The following PSEN1 variants were observed in gnomAD, a reference collection of about 807,000 sequenced individuals.
The protein encoded by PSEN1 is presenilin 1.
In PSEN1, 15 loss-of-function variants were observed where a neutral mutation model predicts 53.5. The ratio of observed to expected loss-of-function variants is 0.28; its 90% CI spans 0.19 to 0.43. The LOEUF is 0.43. Among genes scored for constraint, PSEN1 ranks in the 20% least tolerant of loss-of-function variants. The probability of loss-of-function intolerance (pLI) is 1.00; values close to 1 mark genes in which losing one functional copy is unlikely to be tolerated. For missense variants in PSEN1, 387 were observed against 571.2 expected (o/e 0.68, Z 3.29); for synonymous variants, 208 against 209.8 (o/e 0.99, Z 0.08).
chr14:73,204,528 TA>T (rs34528538), intron 8 of PSEN1, among the ~76,000 whole-genome samples: 22,971 of 138,178 alleles, frequency 0.17, 1,894 homozygotes, highest in South Asian at 0.26. Context: ...TTTTTACATT[TA>T]AAAAAAAAAA....
intron 1 of PSEN1, among the ~76,000 whole-genome samples, chr14:73,138,637 C>T (rs959446209): frequency 6.6e-6 from 1 of 151,958 alleles, no homozygotes; most frequent in African/African-American, 2.4e-5. Flanking sequence ...CAGGCACAAG[C>T]CACTGTGCCT....
At chr14:73,182,955 A>G (rs1898268781) in intron 5 of PSEN1, among the ~76,000 whole-genome samples, 1 of 152,226 alleles carries the variant, frequency 6.6e-6, no homozygotes, top group African/African-American at 2.4e-5. Context: ...TCAATTATTT[A>G]ATATTTACTC....
chr14:73,137,347 T>G (rs962975450), intron 1 of PSEN1: 1 of 152,326 alleles, frequency 6.6e-6, no homozygotes, highest in Non-Finnish European at 1.5e-5. Context: ...GTTTTCAGTT[T>G]AGAACATGGC....
intron 4 of PSEN1, 131 bp from the exon 5 acceptor site, chr14:73,173,435 T>G: frequency 8.0e-6 from 7 of 875,470 alleles, no homozygotes; most frequent in African/African-American, 1.7e-5. Flanking sequence ...GCTAGATTGG[T>G]GAGTTGGGGA....
Position 73,148,095 on chromosome 14 carries a change from G to C in PSEN1, c.76G>C (p.Val26Leu). The C allele has an allele frequency of 1.9e-6, 3 of 1,612,820 alleles. No individual in the cohort carries two copies. Among genetic ancestry groups the C allele is most frequent in the South Asian group, 2.2e-5 (2 of 90,986 alleles). Residue 26 changes from valine to leucine, a missense_variant, in exon 3 of 12, where the codon GTA becomes CTA. Coordinates refer to ENST00000324501, the MANE Select transcript of PSEN1 (RefSeq NM_000021.4). ...MSEDNHLSNT[V>L]RSQNDNRERQ... ...TGAGGACAACCACCTGAGCAATACT[G>C]TACGTAGCCAGGTACAGTGTCAGTC... is the stretch of plus-strand genomic sequence containing the variant.
At chr14:73,213,407 C>CT (rs200067880) in intron 10 of PSEN1, among the ~76,000 whole-genome samples, 1 of 151,276 alleles carries the variant, frequency 6.6e-6, no homozygotes, top group Admixed American at 6.6e-5. Context: ...TCGTCTCCAA[C>CT]TTTTAAAAAA....
intron 1 of PSEN1, among the ~76,000 whole-genome samples, chr14:73,141,017 C>G (rs1438363088): frequency 2.0e-5 from 3 of 152,182 alleles, no homozygotes; most frequent in Admixed American, 6.5e-5. Flanking sequence ...TCTCAAGGCA[C>G]CAGCAGAAGT....
intron 5 of PSEN1, among the ~76,000 whole-genome samples, chr14:73,183,504 C>G (rs972039281): frequency 1.9e-3 from 290 of 152,098 alleles, no homozygotes; most frequent in Middle Eastern, 0.014. Context: ...TGACTCTTAA[C>G]GAGCATGCTG....
intron 1 of PSEN1, among the ~76,000 whole-genome samples, chr14:73,138,724 G>A (rs1320041531): frequency 6.6e-6 from 1 of 150,508 alleles, no homozygotes; most frequent in Non-Finnish European, 1.5e-5. Flanking sequence ...ACTTTGGGAG[G>A]CCGTGGCGGG....
In PSEN1 at chr14:73,192,699, A is replaced by T. The variant is rs779296437; in HGVS notation, c.604A>T (p.Ile202Phe). 1.2e-6 allele frequency: 2 copies of T among 1,614,080 alleles called. No individual in the cohort carries two copies. Among genetic ancestry groups the T allele is most frequent in the Non-Finnish European group, 1.7e-6 (2 of 1,180,014 alleles). Residue 202 changes from isoleucine (I) to phenylalanine (F), a missense_variant, in exon 7 of 12, where the codon ATC becomes TTC. Coordinates refer to ENST00000324501, the MANE Select transcript of PSEN1 (RefSeq NM_000021.4). ...AVDYITVALL[I>F]WNFGVVGMIS... is the part of the protein sequence containing the mutation. ...GGACTACATTACTGTTGCACTCCTG[A>T]TCTGGAATTTTGGTGTGGTGGGAAT...
At chr14:73,174,046 GAA>G (rs1897973376) in intron 5 of PSEN1, 1 of 422,288 alleles carries the variant, frequency 2.4e-6, no homozygotes, top group East Asian at 3.8e-5. Context: ...TATATGTCAT[GAA>G]AAAATTAGTG....
chr14:73,212,321 G>A (rs527255223), intron 10 of PSEN1, among the ~76,000 whole-genome samples: 53 of 151,924 alleles, frequency 3.5e-4, no homozygotes, highest in African/African-American at 1.2e-3. Flanking sequence ...ATCTTGGGCA[G>A]GCTGGTCTTG....
At chr14:73,218,702 G>C (rs1019975737) in intron 11 of PSEN1, among the ~76,000 whole-genome samples, 2 of 145,700 alleles carry the variant, frequency 1.4e-5, no homozygotes, top group Non-Finnish European at 3.0e-5. Flanking sequence ...GCATAGAGAA[G>C]CCCCCGCACA....
At chr14:73,183,106 A>T (rs1898273606) in intron 5 of PSEN1, among the ~76,000 whole-genome samples, 1 of 151,988 alleles carries the variant, frequency 6.6e-6, no homozygotes, top group South Asian at 2.1e-4. Context: ...AAATGTACAG[A>T]TGTTCTCAGC....
chr14:73,189,658 A>G (rs1898644532), intron 6 of PSEN1: 1 of 154,000 alleles, frequency 6.5e-6, no homozygotes, highest in Non-Finnish European at 1.4e-5. Context: ...CACATAAACA[A>G]CTAGTTAGAA....
chr14:73,202,439 TATATATATATATATATATATATA>T (rs1480774208), intron 8 of PSEN1, among the ~76,000 whole-genome samples: 235 of 17,314 alleles, frequency 0.014, no homozygotes, highest in Non-Finnish European at 0.019. Context: ...TATATATATA[TATATATATATATATATATATATA>T]TTTTTTTTTT....
Position 73,171,253 on chromosome 14 carries a change from T to C in PSEN1, c.338+206T>C, listed in dbSNP as rs362355. Among the ~76,000 whole-genome samples, 12,616 of 152,192 alleles carry C rather than the reference T, an allele frequency of 0.083. 1,158 individuals are homozygous for C. Among genetic ancestry groups the C allele is most frequent in the African/African-American group, 0.23 (9,649 of 41,448 alleles). On this transcript the variant is annotated intron_variant, in intron 4 of 11. Transcript: ENST00000324501. ...AAAAGGAACACTGCAGAAGTATGTT[T>C]CCTGTATGGTATTACTGGATAGGGC... is the stretch of plus-strand genomic sequence containing the variant.
intron 5 of PSEN1, among the ~76,000 whole-genome samples, chr14:73,183,273 A>G (rs1898281314): frequency 6.6e-6 from 1 of 150,524 alleles, no homozygotes. Context: ...GTGTGCCACT[A>G]TGTCTGGCTA....
chr14:73,166,205 T>A (rs949265523), intron 3 of PSEN1, among the ~76,000 whole-genome samples: 4 of 152,226 alleles, frequency 2.6e-5, no homozygotes, highest in African/African-American at 9.6e-5. Flanking sequence ...TTGAGTTGGC[T>A]AATGTTCATT....
Sources: gnomAD v4.1 joint callset for allele counts (sites outside exome capture counted in the v4.1 genomes callset) on GRCh38, gnomAD v4.1.1 for gene constraint, MANE v1.5 for transcripts, NCBI Gene and HGNC (gene_info 2026-07-23, HGNC 2026-07-21) for gene names.